The following GON4L variants were observed in gnomAD, a reference collection of about 807,000 sequenced individuals.
The protein encoded by GON4L is gon-4 like.
A neutral mutation model predicts 211.8 loss-of-function variants in GON4L; 87 were observed. That is an observed-to-expected ratio of 0.41 (90% CI 0.35 to 0.49). GON4L has a LOEUF of 0.49. Ranked by LOEUF, GON4L falls within the 20% of genes least tolerant of loss-of-function variation. GON4L has a pLI of 0.15. For synonymous variants in GON4L, 875 were observed against 962.6 expected, an observed-to-expected ratio of 0.91 and a Z score of 1.68; for missense variants, 2,155 against 2,659.5, an observed-to-expected ratio of 0.81 and a Z score of 4.17.
rs1322647171 is a variant in GON4L at position 155,765,272 on chromosome 1, T to G, written c.4201A>C (p.Thr1401Pro). 4 of 1,614,000 alleles carry G rather than the reference T, an allele frequency of 2.5e-6. No homozygotes were observed. Among genetic ancestry groups the G allele is most frequent in the Non-Finnish European group, 3.4e-6 (4 of 1,179,848 alleles). Residue 1401 changes from threonine (T) to proline (P), a missense_variant, in exon 21 of 32, where the codon ACC becomes CCC. Around this residue, in one of 6 missense-constraint regions of GON4L, gnomAD observed 615 missense variants for 625.7 expected, o/e 0.98. Coordinates refer to ENST00000368331, the MANE Select transcript of GON4L (RefSeq NM_001282860.2). Reference protein sequence around the residue: ...SSSQEPPDEGTSGTDVNKGSS... With the variant: ...SSSQEPPDEGPSGTDVNKGSS... ...CCTTTGTTCACATCTGTCCCTGAGG[T>G]TCCTTCATCAGGGGGCTCTTGAGAA... is the stretch of plus-strand genomic sequence containing the variant.
At chr1:155,851,982 T>C (rs4971064) in intron 2 of GON4L, among the ~76,000 whole-genome samples, 13,212 of 151,546 alleles carry the variant, frequency 0.087, 835 homozygotes, top group African/African-American at 0.18. Flanking sequence ...CTGGCCAACA[T>C]GGGGAAACCT....
intron 2 of GON4L, among the ~76,000 whole-genome samples, chr1:155,851,333 G>A (rs190050440): frequency 6.0e-4 from 90 of 151,006 alleles, no homozygotes; most frequent in Non-Finnish European, 2.9e-4. Flanking sequence ...CAGCCTGGGC[G>A]ACAGAGCCAG....
At position 155,766,465 on chromosome 1, in the gene GON4L, G is replaced by A. The variant is rs1389111749; in HGVS notation, c.3008C>T (p.Pro1003Leu). ...WRQKRSSVLK[P>L]LLIQPSPSLQ... ...AGAGGGGCTGGGTTGGATAAGGAGGGGCTTCAGGACTGATGAACGCTTCTG... is the reference window on the plus strand; with the variant it reads ...AGAGGGGCTGGGTTGGATAAGGAGGAGCTTCAGGACTGATGAACGCTTCTG... The change falls in exon 21 of 32, where the codon CCC becomes CTC. Residue 1003 changes from proline (P) to leucine (L), a missense_variant. Pro to Leu is a moderately conservative substitution (Grantham distance 98). Coordinates refer to ENST00000368331, the MANE Select transcript of GON4L (RefSeq NM_001282860.2). The A allele has an allele frequency of 3.7e-6, 6 of 1,614,074 alleles. No individual in the cohort carries two copies. The highest frequency in any genetic ancestry group is 1.3e-5 in the African/African-American group (1 of 75,010).
intron 12 of GON4L, among the ~76,000 whole-genome samples, chr1:155,788,284 T>G (rs1032164776): frequency 3.3e-5 from 5 of 152,120 alleles, no homozygotes; most frequent in African/African-American, 1.2e-4. Flanking sequence ...TGCGCCACCA[T>G]GCCCAGCCAA....
chr1:155,790,035 C>T (rs1665365226), intron 12 of GON4L, among the ~76,000 whole-genome samples: 1 of 152,158 alleles, frequency 6.6e-6, no homozygotes, highest in African/African-American at 2.4e-5. Context: ...AACTTCTGGG[C>T]TCAAGGGATC....
In GON4L at chr1:155,813,712, T is replaced by G; in HGVS notation, c.1374A>C (p.Arg458Ser). The change falls in exon 10 of 32, where the codon AGA (arginine) becomes AGC (serine). Residue 458 changes from arginine (R) to serine (S), a missense_variant. Around this residue, in one of 6 missense-constraint regions of GON4L, gnomAD observed 551 missense variants for 854.0 expected, o/e 0.65. Transcript: ENST00000368331. Reference sequence around the variant, plus strand: ...GTAACTTCTCCATGAAAGTACTATCTCTGGTCTGTTTCGGCTTTGGAGGGG... The same window carrying G: ...GTAACTTCTCCATGAAAGTACTATCGCTGGTCTGTTTCGGCTTTGGAGGGG... Reference protein sequence around the residue: ...PPPPPKPKQTRDSTFMEKLHA... With the variant: ...PPPPPKPKQTSDSTFMEKLHA... 6.2e-7 allele frequency: 1 copy of G among 1,613,700 alleles called. No homozygotes were observed. Among genetic ancestry groups the G allele is most frequent in the Non-Finnish European group, 8.5e-7 (1 of 1,179,654 alleles).
chr1:155,842,296 G>A (rs563539122), intron 2 of GON4L, among the ~76,000 whole-genome samples: 119 of 152,160 alleles, frequency 7.8e-4, no homozygotes, highest in Non-Finnish European at 1.3e-3. Context: ...AGGCCAAGGC[G>A]AGTGGATTAC....
At chr1:155,812,710 G>A (rs915623459) in intron 10 of GON4L, among the ~76,000 whole-genome samples, 1 of 151,800 alleles carries the variant, frequency 6.6e-6, no homozygotes, top group Non-Finnish European at 1.5e-5. Flanking sequence ...CATGCGCCAC[G>A]ACACCTGGCA....
intron 11 of GON4L, among the ~76,000 whole-genome samples, chr1:155,796,186 A>C (rs987151041): frequency 6.6e-6 from 1 of 152,162 alleles, no homozygotes; most frequent in Non-Finnish European, 1.5e-5. Context: ...TTACAATAAG[A>C]ATCATAAATA....
chr1:155,751,485 G>A (rs1490136787), intron 31 of GON4L, among the ~76,000 whole-genome samples: 4 of 152,158 alleles, frequency 2.6e-5, no homozygotes, highest in African/African-American at 9.7e-5. Flanking sequence ...GGAGGTGGAG[G>A]TTGTAGTGAG....
chr1:155,759,568 C>T (rs1431788276), intron 24 of GON4L, among the ~76,000 whole-genome samples: 1 of 151,286 alleles, frequency 6.6e-6, no homozygotes, highest in Non-Finnish European at 1.5e-5. Flanking sequence ...GAGTGAAACT[C>T]CATCTCAAAA....
chr1:155,851,094 C>T (rs1671743450), intron 2 of GON4L, among the ~76,000 whole-genome samples: 2 of 150,030 alleles, frequency 1.3e-5, no homozygotes, highest in South Asian at 4.2e-4. Flanking sequence ...GTGGCACACG[C>T]CTGTAATCCC....
At chr1:155,781,254 T>C (rs886093913) in intron 14 of GON4L, among the ~76,000 whole-genome samples, 1 of 151,872 alleles carries the variant, frequency 6.6e-6, no homozygotes, top group African/African-American at 2.4e-5. Context: ...GCAATTCTCC[T>C]TCCTCAGCCT....
chr1:155,792,747 A>C (rs1400054022), intron 12 of GON4L, among the ~76,000 whole-genome samples: 2 of 152,074 alleles, frequency 1.3e-5, no homozygotes, highest in Admixed American at 6.6e-5. Flanking sequence ...ACTGTTGACC[A>C]TTCTGTCCTT....
At chr1:155,837,976 A>G (rs566582012) in intron 2 of GON4L, among the ~76,000 whole-genome samples, 2 of 152,332 alleles carry the variant, frequency 1.3e-5, no homozygotes, top group East Asian at 3.9e-4. Flanking sequence ...TCAAATTATT[A>G]ATAAAGACTG....
At chr1:155,814,032 T>C (rs1433421085) in intron 9 of GON4L, among the ~76,000 whole-genome samples, 1 of 152,184 alleles carries the variant, frequency 6.6e-6, no homozygotes, top group Non-Finnish European at 1.5e-5. Context: ...TTTACCAAAA[T>C]GTGGGAAATT....
chr1:155,788,015 T>C (rs1241974041), intron 12 of GON4L, among the ~76,000 whole-genome samples: 1 of 152,180 alleles, frequency 6.6e-6, no homozygotes, highest in Non-Finnish European at 1.5e-5. Context: ...TTTTTGAGAC[T>C]GAGTCTCACT....
chr1:155,793,351 G>A (rs953629199), intron 12 of GON4L, among the ~76,000 whole-genome samples: 1 of 152,132 alleles, frequency 6.6e-6, no homozygotes, highest in Non-Finnish European at 1.5e-5. Flanking sequence ...CTAAAGGATT[G>A]TATTTACATA....
At chr1:155,785,576 C>G (rs1664857581) in intron 12 of GON4L, among the ~76,000 whole-genome samples, 1 of 152,104 alleles carries the variant, frequency 6.6e-6, no homozygotes, top group African/African-American at 2.4e-5. Flanking sequence ...CCTCCGCATC[C>G]CCTCCCTGGT....
Sources: gnomAD v4.1 joint callset for allele counts (sites outside exome capture counted in the v4.1 genomes callset) on GRCh38, gnomAD v4.1.1 for gene constraint, gnomAD v4.1.1 regional missense constraint, MANE v1.5 for transcripts, NCBI Gene and HGNC (gene_info 2026-07-23, HGNC 2026-07-21) for gene names.